The following BDP1 variants were observed in gnomAD, a reference collection of about 807,000 sequenced individuals.
BDP1 encodes BDP1 general transcription factor IIIB subunit, also known as transcription factor TFIIIB component B'' homolog.
In BDP1, 169 loss-of-function variants were observed where a neutral mutation model predicts 266.6. That is an observed-to-expected ratio of 0.63 (90% CI 0.56 to 0.72). The LOEUF is 0.72. BDP1 is among the 30% of genes least tolerant of loss of function. The probability of loss-of-function intolerance (pLI) is 0.00; values close to 1 mark genes in which losing one functional copy is unlikely to be tolerated. For synonymous variants in BDP1, 1,090 were observed against 1,022.4 expected (o/e 1.07, Z -1.26); for missense variants, 3,015 against 3,053.8 (o/e 0.99, Z 0.30).
intron 7 of BDP1, 98 bp downstream of exon 7, chr5:71,470,587 TC>T: frequency 6.5e-6 from 5 of 770,058 alleles, no homozygotes; most frequent in Middle Eastern, 2.8e-4. Flanking sequence ...TCTTAGTTCA[TC>T]TTTTTTTTTT....
chr5:71,500,335 T>TTTG (rs1269370798), intron 13 of BDP1, among the ~76,000 whole-genome samples: 18 of 106,482 alleles, frequency 1.7e-4, no homozygotes, highest in African/African-American at 5.3e-4. Flanking sequence ...TTTTTTTTTT[T>TTTG]TTTTTTTGAG....
intron 26 of BDP1, 151 bp downstream of exon 26, chr5:71,532,578 T>A: frequency 1.6e-6 from 1 of 631,532 alleles, no homozygotes; most frequent in Non-Finnish European, 2.5e-6. Context: ...TAAAAACTAG[T>A]GAAAGCAATG....
At chr5:71,480,854 C>T (rs950084764) in intron 7 of BDP1, among the ~76,000 whole-genome samples, 1 of 152,122 alleles carries the variant, frequency 6.6e-6, no homozygotes, top group Non-Finnish European at 1.5e-5. Context: ...AGTGAACCAC[C>T]ATGCCCGGCC....
chr5:71,468,884 C>T (rs962807956), intron 6 of BDP1, among the ~76,000 whole-genome samples: 1 of 151,378 alleles, frequency 6.6e-6, no homozygotes, highest in Non-Finnish European at 1.5e-5. Flanking sequence ...TGGGATTACA[C>T]GCGTGAGCCA....
rs369675568 is a variant in BDP1, at chr5:71,555,690, C to T, written c.7201-1196C>T. ...CGGACCTCAGATGATCCGCCTGCCT[C>T]GGCCTTGCAAAGTGATGGGATATTA... is the stretch of plus-strand genomic sequence containing the variant. On this transcript the variant is annotated intron_variant, in intron 35 of 38. Coordinates refer to ENST00000358731, the MANE Select transcript of BDP1 (RefSeq NM_018429.3). 3.6e-3 allele frequency among the ~76,000 whole-genome samples: 541 copies of T among 152,220 alleles called. 3 individuals are homozygous for T. Among genetic ancestry groups the T allele is most frequent in the African/African-American group, 0.012 (510 of 41,548 alleles).
intron 23 of BDP1, 73 bp from the exon 24 acceptor site, chr5:71,522,683 C>A (rs974723697): frequency 1.4e-6 from 2 of 1,432,028 alleles, no homozygotes; most frequent in African/African-American, 1.4e-5. Flanking sequence ...GAGGTTTAGG[C>A]CAAACTACCA....
chr5:71,514,375 T>A (rs1167329759), intron 19 of BDP1, among the ~76,000 whole-genome samples: 2 of 152,198 alleles, frequency 1.3e-5, no homozygotes, highest in African/African-American at 4.8e-5. Context: ...TGGAAAAATA[T>A]ATGTATTCTA....
intron 16 of BDP1, 57 bp downstream of exon 16, chr5:71,504,808 C>T: frequency 1.3e-6 from 2 of 1,562,690 alleles, no homozygotes; most frequent in Non-Finnish European, 1.7e-6. Flanking sequence ...TTTTAGAACT[C>T]AATCAGTTTT....
chr5:71,460,332 A>G (rs1761470056), intron 2 of BDP1, among the ~76,000 whole-genome samples: 1 of 152,256 alleles, frequency 6.6e-6, no homozygotes. Flanking sequence ...GTGAGCCAAA[A>G]TCGTGCCATT....
the BDP1 span, among the ~76,000 whole-genome samples, chr5:71,574,000 G>A: frequency 1.8e-4 from 28 of 152,304 alleles, no homozygotes; most frequent in South Asian, 5.6e-3. Context: ...ATGTAAATGC[G>A]GATTGTAAAT....
chr5:71,517,375 AC>A lies in BDP1; in HGVS notation c.4915del (p.His1639ThrfsTer13). On this transcript the variant is annotated frameshift_variant, in exon 22 of 39. Transcript: ENST00000358731. LOFTEE classifies it high-confidence loss of function. ...IEVPSSAVPE[H>X]RMYENQSQVV... is the part of the protein sequence containing the mutation. ...AAGTTCCATCGTCCGCAGTTCCAGA[AC>A]ACAGAATGTATGAAAATCAAAGTCA... 1.9e-6 allele frequency: 3 copies of A among 1,603,962 alleles called. No homozygotes were observed. The highest frequency in any genetic ancestry group is 2.5e-6 in the Non-Finnish European group (3 of 1,177,502).
At position 71,562,291 on chromosome 5, in the gene BDP1, T is replaced by C. The variant is rs771768668; in HGVS notation, c.7514T>C (p.Leu2505Pro). The change falls in exon 38 of 39, where the codon CTG becomes CCG. Residue 2505 changes from leucine (L) to proline (P), a missense_variant. Physicochemically the swap from Leu to Pro is moderately conservative, Grantham distance 98 (BLOSUM62 -3). Coordinates refer to ENST00000358731, the MANE Select transcript of BDP1 (RefSeq NM_018429.3). ...ATTTCTAGACCTGGCAGAAGACCCC[T>C]GGGATTTTTATCTTTAATATGCTCA... The part of the protein sequence containing the change: ...ASLSRPGRRP[L>P]GFLSLICSKN... 1.3e-6 allele frequency: 2 copies of C among 1,596,700 alleles called. No individual in the cohort carries two copies. The highest frequency in any genetic ancestry group is 1.7e-6 in the Non-Finnish European group (2 of 1,171,544).
chr5:71,549,493 A>G lies in BDP1; in HGVS notation c.6882A>G (p.Pro2294=). The G allele has an allele frequency of 6.2e-7, 1 of 1,614,184 alleles. No homozygotes were observed. Among genetic ancestry groups the G allele is most frequent in the Non-Finnish European group, 8.5e-7 (1 of 1,180,016 alleles). ...QAFILTLVEI[P]ANAVEEFTDA... is the part of the protein sequence containing the mutation. ...TTATTTTAACTCTGGTGGAAATCCCAGCCAATGCAGTAGAAGAATTTACTG... is the reference window on the plus strand; with the variant it reads ...TTATTTTAACTCTGGTGGAAATCCCGGCCAATGCAGTAGAAGAATTTACTG... The change falls in exon 34 of 39, where the codon CCA becomes CCG. Residue 2294 remains proline, a synonymous_variant. Coordinates refer to ENST00000358731, the MANE Select transcript of BDP1 (RefSeq NM_018429.3).
At chr5:71,573,886 G>A in the BDP1 span, among the ~76,000 whole-genome samples, 1 of 152,328 alleles carries the variant, frequency 6.6e-6, no homozygotes, top group South Asian at 2.1e-4. Flanking sequence ...AAGGGTTGCA[G>A]GAACCCTATG....
Position 71,517,366 on chromosome 5 carries a change from A to G in BDP1, c.4905A>G (p.Ala1635=). Residue 1635 remains alanine (A), a synonymous_variant, in exon 22 of 39, where the codon GCA becomes GCG. Coordinates refer to ENST00000358731, the MANE Select transcript of BDP1 (RefSeq NM_018429.3). Reference sequence around the variant, plus strand: ...CTGAAATTGAAGTTCCATCGTCCGCAGTTCCAGAACACAGAATGTATGAAA... The same window carrying G: ...CTGAAATTGAAGTTCCATCGTCCGCGGTTCCAGAACACAGAATGTATGAAA... ...IETEIEVPSS[A]VPEHRMYENQ... is the part of the protein sequence containing the mutation. 1 of 1,602,394 alleles carries G rather than the reference A, an allele frequency of 6.2e-7. No homozygotes were observed. Among genetic ancestry groups the G allele is most frequent in the South Asian group, 1.1e-5 (1 of 87,678 alleles).
intron 26 of BDP1, among the ~76,000 whole-genome samples, chr5:71,538,082 G>T (rs573623004): frequency 2.0e-5 from 3 of 152,192 alleles, no homozygotes; most frequent in African/African-American, 7.2e-5. Flanking sequence ...TGCTTTTTCT[G>T]CATTTATGGA....
Position 71,556,251 on chromosome 5 carries a change from C to A in BDP1, c.7201-635C>A, listed in dbSNP as rs376720218. ...ACCATCTGCAAATATAATTTTAATTCTTCTACTTTTTGTAGTTCTAATTTT... is the reference window on the plus strand; with the variant it reads ...ACCATCTGCAAATATAATTTTAATTATTCTACTTTTTGTAGTTCTAATTTT... On this transcript the variant is annotated intron_variant, in intron 35 of 38. Transcript: ENST00000358731. 7.2e-5 allele frequency among the ~76,000 whole-genome samples: 11 copies of A among 152,050 alleles called. No homozygotes were observed. In the East Asian group the frequency reaches 1.7e-3, roughly 24 times the overall value.
Position 71,536,276 on chromosome 5 carries a change from T to G in BDP1, c.5893-2766T>G, listed in dbSNP as rs969299812. Reference sequence around the variant, plus strand: ...ATTATTTTTAAGTTACTCTGGTGACTTTCCAGCTTAAAATTTGGAGGCAAG... The same window carrying G: ...ATTATTTTTAAGTTACTCTGGTGACGTTCCAGCTTAAAATTTGGAGGCAAG... On this transcript the variant is annotated intron_variant, in intron 26 of 38. Coordinates refer to ENST00000358731, the MANE Select transcript of BDP1 (RefSeq NM_018429.3). Among the ~76,000 whole-genome samples, 45 of 152,354 alleles carry G rather than the reference T, an allele frequency of 3.0e-4. 1 individual carries two copies. Among genetic ancestry groups the G allele is most frequent in the Admixed American group, 2.9e-3 (45 of 15,304 alleles).
intron 11 of BDP1, 116 bp from the exon 12 acceptor site, chr5:71,495,134 A>T (rs1399557520): frequency 1.8e-6 from 1 of 556,672 alleles, no homozygotes. Context: ...TTACTCTATA[A>T]TGTGAAGCAG....
Sources: gnomAD v4.1 joint callset for allele counts (sites outside exome capture counted in the v4.1 genomes callset) on GRCh38, gnomAD v4.1.1 for gene constraint, MANE v1.5 for transcripts, NCBI Gene and HGNC (gene_info 2026-07-23, HGNC 2026-07-21) for gene names.